Variants in HSPA12B observed in about 807,000 individuals in gnomAD.
HSPA12B encodes the protein heat shock 70 kDa protein 12B.
A neutral mutation model predicts 69.3 loss-of-function variants in HSPA12B; 54 were observed. That is an observed-to-expected ratio of 0.78 (90% CI 0.63 to 0.98). The LOEUF (loss-of-function observed/expected upper bound fraction) is 0.98. Among genes scored for constraint, HSPA12B ranks in the 50% least tolerant of loss-of-function variants. The pLI, the probability that HSPA12B is intolerant of heterozygous loss-of-function variation, is 0.00. For synonymous variants in HSPA12B, 441 were observed against 436.5 expected, an observed-to-expected ratio of 1.01 and a Z score of -0.13; for missense variants, 929 against 999.8, an observed-to-expected ratio of 0.93 and a Z score of 0.96.
Position 3,749,576 on chromosome 20 carries a change from C to T in HSPA12B, c.938-174C>T, listed in dbSNP as rs1206180378. 6.6e-6 allele frequency among the ~76,000 whole-genome samples: 1 copy of T among 152,206 alleles called. No individual in the cohort carries two copies. The highest frequency in any genetic ancestry group is 1.5e-5 in the Non-Finnish European group (1 of 68,036). On this transcript the variant is annotated intron_variant, in intron 9 of 12. Transcript: ENST00000254963. The surrounding 1 kb of genome is among the most constrained non-coding windows in gnomAD (Gnocchi z 5.5). ...AACCATTTCTGCCCCACACCCTGCG[C>T]CCATATGTGGTGGTCTGAGGTTCAA...
At position 3,751,685 on chromosome 20, in the gene HSPA12B, TC is replaced by T. The variant is rs2088425084; in HGVS notation, c.1581del (p.Phe527LeufsTer192). The T allele has an allele frequency of 6.7e-7, 1 of 1,494,482 alleles. No homozygotes were observed. Among genetic ancestry groups the T allele is most frequent in the Non-Finnish European group, 8.9e-7 (1 of 1,126,126 alleles). The allele number at this position is 1,494,482 out of a possible 1,614,324, so 92.6% of individuals were successfully genotyped here. A position where few individuals can be genotyped will look rare whatever the true frequency, so the allele number is the denominator to read the frequency against. On this transcript the variant is annotated frameshift_variant, in exon 13 of 13. Transcript: ENST00000254963. LOFTEE classifies it high-confidence loss of function. Reference sequence around the variant, plus strand: ...ACCATCCTCAAAGGCGCGGTGCTGTTCGGCCAGGCGCCGGGCGTGGTGCGGG... The same window carrying T: ...ACCATCCTCAAAGGCGCGGTGCTGTTGGCCAGGCGCCGGGCGTGGTGCGGG... ...GLTILKGAVLFGQAPGVVRVR... is the reference protein window; with the variant it reads ...GLTILKGAVLXGQAPGVVRVR...
rs1386946063 is a variant in HSPA12B, at chr20:3,750,609, C to G, written c.1302-195C>G. The stretch of plus-strand genomic sequence containing the variant: ...CCTGGAACCTGGAGCAGGCTGGCAA[C>G]TAAATCCTCTGAGTGAGTAGGGTGG... On this transcript the variant is annotated intron_variant, in intron 11 of 12. Transcript: ENST00000254963. 3 of 960,952 alleles carry G rather than the reference C, an allele frequency of 3.1e-6. No homozygotes were observed. The East Asian group carries it at 3.5e-4, about 111-fold the overall frequency. 59.5% of individuals were successfully genotyped at this position (960,952 alleles called of 1,614,324 possible). A position where few individuals can be genotyped will look rare whatever the true frequency, so the allele number is the denominator to read the frequency against.
chr20:3,746,644 C>A (rs2088312806), intron 7 of HSPA12B, among the ~76,000 whole-genome samples: 1 of 152,246 alleles, frequency 6.6e-6, no homozygotes, highest in Middle Eastern at 3.4e-3. Context: ...AAGAAGGTTT[C>A]TCAGGAGAAA....
chr20:3,748,140 G>T, intron 7 of HSPA12B, 77 bp from the exon 8 acceptor site: 2 of 1,310,850 alleles, frequency 1.5e-6, no homozygotes, highest in Non-Finnish European at 2.0e-6. Flanking sequence ...CACAGGCCGC[G>T]GTTCCCCACC....
At chr20:3,735,616 C>T (rs2088097418) in intron 1 of HSPA12B, among the ~76,000 whole-genome samples, 1 of 152,106 alleles carries the variant, frequency 6.6e-6, no homozygotes, top group African/African-American at 2.4e-5. Context: ...CAGGCGTCTG[C>T]CACTACGCTT....
At chr20:3,733,994 C>T (rs1375871057) in intron 1 of HSPA12B, among the ~76,000 whole-genome samples, 1 of 152,194 alleles carries the variant, frequency 6.6e-6, no homozygotes, top group African/African-American at 2.4e-5. Flanking sequence ...AGAGATCCTC[C>T]GAGGATTCTG....
Position 3,751,753 on chromosome 20 carries a change from C to T in HSPA12B, c.1648C>T (p.Arg550Cys). 4 of 1,523,572 alleles carry T rather than the reference C, an allele frequency of 2.6e-6. No individual in the cohort carries two copies. The highest frequency in any genetic ancestry group is 2.4e-5 in the South Asian group (2 of 82,514). The allele number at this position is 1,523,572 out of a possible 1,614,324, so 94.4% of individuals were successfully genotyped here. ...CACCTATGGCGTGGGCGTGCTCAAC[C>T]GCTTTGTGCCTGGGCGCCACCCGCC... ...PLTYGVGVLN[R>C]FVPGRHPPEK... Residue 550 changes from arginine (R) to cysteine (C), a missense_variant, in exon 13 of 13, where the codon CGC becomes TGC. By Grantham distance (180) the Arg-to-Cys change is radical. This residue lies in a region of HSPA12B where 448 missense variants were observed against 448.1 expected (regional missense o/e 1.00). Coordinates refer to ENST00000254963, the MANE Select transcript of HSPA12B (RefSeq NM_052970.5).
chr20:3,739,714 G>A (rs193147669), intron 2 of HSPA12B, among the ~76,000 whole-genome samples: 25 of 152,248 alleles, frequency 1.6e-4, no homozygotes, highest in African/African-American at 5.5e-4. Flanking sequence ...CTGGCCCTTC[G>A]CCTGTGTTCC....
In HSPA12B at chr20:3,752,799, A is replaced by G; in HGVS notation, c.*633A>G. 6.5e-6 allele frequency: 1 copy of G among 153,854 alleles called. No individual in the cohort carries two copies. The highest frequency in any genetic ancestry group is 1.5e-5 in the Non-Finnish European group (1 of 68,062). 9.5% of individuals were successfully genotyped at this position (153,854 alleles called of 1,614,324 possible). A position where few individuals can be genotyped will look rare whatever the true frequency, so the allele number is the denominator to read the frequency against. The stretch of plus-strand genomic sequence containing the variant: ...CATTATTGTGGTGGAGGCAATTATG[A>G]GGGTAGCATTTCTTTCGAGACAAAA... On this transcript the variant is annotated 3_prime_UTR_variant, in exon 13 of 13. Coordinates refer to ENST00000254963, the MANE Select transcript of HSPA12B (RefSeq NM_052970.5).
chr20:3,751,051 A>C (rs2088411434), intron 12 of HSPA12B, 144 bp downstream of exon 12: 1 of 887,480 alleles, frequency 1.1e-6, no homozygotes, highest in African/African-American at 1.7e-5. Context: ...TGCGGGATGA[A>C]GTGCAGTGGT....
chr20:3,735,672 G>A (rs2088098185), intron 1 of HSPA12B, among the ~76,000 whole-genome samples: 1 of 152,094 alleles, frequency 6.6e-6, no homozygotes, highest in East Asian at 1.9e-4. Context: ...CACCATGTTG[G>A]CCAGGCTGGT....
chr20:3,745,841 T>A lies in HSPA12B; in HGVS notation c.559-74T>A. 7.7e-7 allele frequency: 1 copy of A among 1,300,370 alleles called. No individual in the cohort carries two copies. Among genetic ancestry groups the A allele is most frequent in the Non-Finnish European group, 1.1e-6 (1 of 894,132 alleles). 80.6% of individuals were successfully genotyped at this position (1,300,370 alleles called of 1,614,324 possible). A position where few individuals can be genotyped will look rare whatever the true frequency, so the allele number is the denominator to read the frequency against. On this transcript the variant is annotated intron_variant, in intron 6 of 12. Coordinates refer to ENST00000254963, the MANE Select transcript of HSPA12B (RefSeq NM_052970.5). This position sits in a 1 kb window ranked among gnomAD's most constrained non-coding sequence, Gnocchi z 5.6. ...TCCTTCCTGTGATTTGATTAGTACC[T>A]CCAGTTCCGCAGAGGGCTGAAGACC...
At chr20:3,743,148 A>AG (rs2088235388) in intron 4 of HSPA12B, among the ~76,000 whole-genome samples, 1 of 146,326 alleles carries the variant, frequency 6.8e-6, no homozygotes, top group African/African-American at 2.6e-5. Flanking sequence ...GGCCTCCCAG[A>AG]GTGCTAGGAT....
intron 11 of HSPA12B, 28 bp downstream of exon 11, chr20:3,750,255 A>G (rs2088390892): frequency 6.4e-7 from 1 of 1,560,464 alleles, no homozygotes; most frequent in East Asian, 2.3e-5. Flanking sequence ...GGGCTCAGGC[A>G]GGGTTTGCCG....
rs574139076 is a variant in HSPA12B, at chr20:3,746,372, G to C, written c.675+341G>C. On this transcript the variant is annotated intron_variant, in intron 7 of 12. Transcript: ENST00000254963. Reference sequence around the variant, plus strand: ...GGCTGGAGCGCAGTGGCGTGATCTCGGCTCACTGCAAGCTCTGCCTCCCAG... The same window carrying C: ...GGCTGGAGCGCAGTGGCGTGATCTCCGCTCACTGCAAGCTCTGCCTCCCAG... Among the ~76,000 whole-genome samples the C allele has an allele frequency of 3.1e-5, 4 of 127,090 alleles. No individual in the cohort carries two copies. In the East Asian group the frequency reaches 9.9e-4, roughly 31 times the overall value. The allele number at this position is 127,090 out of a possible 152,430, so 83.4% of individuals were successfully genotyped here.
At chr20:3,750,936 G>A in intron 12 of HSPA12B, 29 bp downstream of exon 12, 4 of 1,574,574 alleles carry the variant, frequency 2.5e-6, no homozygotes, top group Non-Finnish European at 3.5e-6. Flanking sequence ...TCCCCCACCC[G>A]CCCCTACATG....
In HSPA12B at chr20:3,745,684, C is replaced by T. The variant is rs2088287895; in HGVS notation, c.558+87C>T. 18 of 1,231,292 alleles carry T rather than the reference C, an allele frequency of 1.5e-5. No homozygotes were observed. The highest frequency in any genetic ancestry group is 2.0e-5 in the Non-Finnish European group (17 of 847,076). The allele number at this position is 1,231,292 out of a possible 1,614,324, so 76.3% of individuals were successfully genotyped here. A position where few individuals can be genotyped will look rare whatever the true frequency, so the allele number is the denominator to read the frequency against. On this transcript the variant is annotated intron_variant, in intron 6 of 12. Transcript: ENST00000254963. The surrounding 1 kb of genome is among the most constrained non-coding windows in gnomAD (Gnocchi z 5.6). The stretch of plus-strand genomic sequence containing the variant: ...AACCGCTCCCCCATCCCGTCCCCGA[C>T]ATTGGATGGGTAGCCACCGCCGGAG...
At chr20:3,750,373 G>A (rs558597316) in intron 11 of HSPA12B, 146 bp downstream of exon 11, 4 of 895,136 alleles carry the variant, frequency 4.5e-6, no homozygotes, top group Non-Finnish European at 6.5e-6. Context: ...GGGGTGGGGC[G>A]GCGGGGAGCG....
chr20:3,747,472 C>T (rs1232360871), intron 7 of HSPA12B, among the ~76,000 whole-genome samples: 3 of 152,204 alleles, frequency 2.0e-5, no homozygotes, highest in African/African-American at 7.2e-5. Context: ...TGTTCCCTGG[C>T]TGCTCAGGAA....
Sources: gnomAD v4.1 joint callset for allele counts (sites outside exome capture counted in the v4.1 genomes callset) on GRCh38, gnomAD v4.1.1 for gene constraint, gnomAD v4.1.1 regional missense constraint, Gnocchi (gnomAD v3.1) non-coding constraint, MANE v1.5 for transcripts, NCBI Gene and HGNC (gene_info 2026-07-23, HGNC 2026-07-21) for gene names.